HMMR: variants seen among roughly 807,000 people sequenced by gnomAD.
HMMR encodes the protein hyaluronan mediated motility receptor, also known as intracellular hyaluronic acid-binding protein.
HMMR carries 108 observed loss-of-function variants against 101.0 expected under a neutral mutation model. The ratio of observed to expected loss-of-function variants is 1.07; its 90% CI spans 0.92 to 1.25. HMMR has a LOEUF of 1.25. Among genes scored for constraint, HMMR ranks in the 50% most tolerant of loss-of-function variants. The pLI, the probability that HMMR is intolerant of heterozygous loss-of-function variation, is 0.00. For synonymous variants in HMMR, 296 were observed against 276.4 expected, an observed-to-expected ratio of 1.07 and a Z score of -0.70; for missense variants, 813 against 788.7, an observed-to-expected ratio of 1.03 and a Z score of -0.37.
At position 163,467,697 on chromosome 5, in the gene HMMR, A is replaced by C; in HGVS notation, c.226-4A>C. 1 of 1,517,254 alleles carries C rather than the reference A, an allele frequency of 6.6e-7. No homozygotes were observed. The highest frequency in any genetic ancestry group is 1.7e-4 in the Middle Eastern group (1 of 5,798). The allele number at this position is 1,517,254 out of a possible 1,614,324, so 94.0% of individuals were successfully genotyped here. A position where few individuals can be genotyped will look rare whatever the true frequency, so the allele number is the denominator to read the frequency against. On this transcript the variant is annotated splice_polypyrimidine_tract_variant and splice_region_variant and intron_variant, in intron 3 of 17. Transcript: ENST00000393915. Reference sequence around the variant, plus strand: ...GCTTATAAGTTTTTTTGGCTTTTAAACAGAAGGAATCTCAAAAGAATGATA... The same window carrying C: ...GCTTATAAGTTTTTTTGGCTTTTAACCAGAAGGAATCTCAAAAGAATGATA...
At chr5:163,485,441 T>A (rs1021500128) in intron 16 of HMMR, among the ~76,000 whole-genome samples, 2 of 152,236 alleles carry the variant, frequency 1.3e-5, no homozygotes, top group Non-Finnish European at 2.9e-5. Flanking sequence ...ATGTTGGTCA[T>A]CTTTTCATGT....
At position 163,483,294 on chromosome 5, in the gene HMMR, C is replaced by T. The variant is rs1418825213; in HGVS notation, c.1712C>T (p.Ala571Val). The T allele has an allele frequency of 1.2e-6, 2 of 1,608,772 alleles. No homozygotes were observed. ...AAAGCTGAAAAAGAAAATACAACAGCAGAATTAACTGAAGAAATTAACAAG... is the reference window on the plus strand; with the variant it reads ...AAAGCTGAAAAAGAAAATACAACAGTAGAATTAACTGAAGAAATTAACAAG... ...GRKAEKENTTAELTEEINKWR... is the reference protein window; with the variant it reads ...GRKAEKENTTVELTEEINKWR... Residue 571 changes from alanine (A) to valine (V), a missense_variant, in exon 15 of 18, where the codon GCA (alanine) becomes GTA (valine). Physicochemically the swap from Ala to Val is moderately conservative, Grantham distance 64. Coordinates refer to ENST00000393915, the MANE Select transcript of HMMR (RefSeq NM_001142556.2).
At chr5:163,490,633 G>C in intron 17 of HMMR, 81 bp downstream of exon 17, 2 of 1,090,856 alleles carry the variant, frequency 1.8e-6, no homozygotes, top group Non-Finnish European at 2.7e-6. Flanking sequence ...TCCATTTTAT[G>C]AACTGTGAAA....
chr5:163,484,067 A>C lies in HMMR; in HGVS notation c.1786-2A>C. 6.4e-7 allele frequency: 1 copy of C among 1,561,542 alleles called. No homozygotes were observed. The highest frequency in any genetic ancestry group is 1.4e-5 in the African/African-American group (1 of 72,398). On this transcript the variant is annotated splice_acceptor_variant, in intron 15 of 17. Transcript: ENST00000393915. LOFTEE classifies it high-confidence loss of function. Reference sequence around the variant, plus strand: ...TAACTTTATTTAAAAAATCTTTTTCAGCTACAACTAGATGCTTTTGAAGTA... The same window carrying C: ...TAACTTTATTTAAAAAATCTTTTTCCGCTACAACTAGATGCTTTTGAAGTA...
At chr5:163,481,886 T>C (rs1218712539) in intron 12 of HMMR, among the ~76,000 whole-genome samples, 1 of 152,212 alleles carries the variant, frequency 6.6e-6, no homozygotes, top group East Asian at 1.9e-4. Flanking sequence ...TAGAGTGAGC[T>C]ACACATTTAA....
At chr5:163,464,695 A>G in intron 2 of HMMR, 28 bp from the exon 3 acceptor site, 1 of 1,441,254 alleles carries the variant, frequency 6.9e-7, no homozygotes, top group Non-Finnish European at 9.7e-7. Flanking sequence ...GACATCAACC[A>G]TGATCTGTAC....
chr5:163,466,728 T>G (rs549111908), intron 3 of HMMR, among the ~76,000 whole-genome samples: 2 of 152,162 alleles, frequency 1.3e-5, no homozygotes, highest in Non-Finnish European at 1.5e-5. Context: ...ATCTCATTGA[T>G]AATTTTATAC....
At chr5:163,478,311 T>C (rs1759134613) in intron 11 of HMMR, among the ~76,000 whole-genome samples, 1 of 152,210 alleles carries the variant, frequency 6.6e-6, no homozygotes, top group South Asian at 2.1e-4. Context: ...GTTCATGGTA[T>C]TTCTCAAGTG....
intron 3 of HMMR, among the ~76,000 whole-genome samples, chr5:163,466,552 A>C (rs1252597590): frequency 6.6e-6 from 1 of 152,198 alleles, no homozygotes; most frequent in African/African-American, 2.4e-5. Flanking sequence ...ACGCTTTTAA[A>C]TATTTTTGGA....
chr5:163,480,230 G>A (rs1052842701), intron 12 of HMMR, among the ~76,000 whole-genome samples: 3 of 151,820 alleles, frequency 2.0e-5, no homozygotes, highest in Middle Eastern at 3.2e-3. Flanking sequence ...TTTCCCCCCT[G>A]TGTATTATAA....
rs570706622 is a variant in HMMR at position 163,460,929 on chromosome 5, C to T, written c.46+191C>T. Among the ~76,000 whole-genome samples the T allele has an allele frequency of 2.2e-4, 34 of 152,282 alleles. 1 individual carries two copies. Among genetic ancestry groups the T allele is most frequent in the African/African-American group, 7.9e-4 (33 of 41,572 alleles). ...AGCACTAATCAGGATGCTAAGGATA[C>T]CGCAGTGAAACAGTCTCCGCCCCGT... On this transcript the variant is annotated intron_variant, in intron 1 of 17. Transcript: ENST00000393915.
chr5:163,472,804 A>T (rs192394881), intron 7 of HMMR, among the ~76,000 whole-genome samples: 2 of 152,316 alleles, frequency 1.3e-5, no homozygotes, highest in Non-Finnish European at 2.9e-5. Flanking sequence ...ACAGATAAGT[A>T]ATTGAAGACC....
intron 10 of HMMR, among the ~76,000 whole-genome samples, chr5:163,474,876 A>T (rs978347135): frequency 2.6e-5 from 4 of 152,202 alleles, no homozygotes; most frequent in African/African-American, 9.6e-5. Context: ...ACCTGGAAAG[A>T]TTTCAGCAAC....
At chr5:163,469,918 A>G (rs1325838590) in intron 5 of HMMR, 89 bp downstream of exon 5, 10 of 888,710 alleles carry the variant, frequency 1.1e-5, no homozygotes, top group Non-Finnish European at 1.7e-5. Flanking sequence ...CTGTGTTCCC[A>G]GCATTTTGGG....
At position 163,473,171 on chromosome 5, in the gene HMMR, T is replaced by C. The variant is rs1461236798; in HGVS notation, c.651-8T>C. 1 of 1,389,282 alleles carries C rather than the reference T, an allele frequency of 7.2e-7. No homozygotes were observed. Among genetic ancestry groups the C allele is most frequent in the South Asian group, 1.2e-5 (1 of 84,160 alleles). 86.1% of individuals were successfully genotyped at this position (1,389,282 alleles called of 1,614,324 possible). A position where few individuals can be genotyped will look rare whatever the true frequency, so the allele number is the denominator to read the frequency against. On this transcript the variant is annotated splice_polypyrimidine_tract_variant and splice_region_variant and intron_variant, in intron 7 of 17. Coordinates refer to ENST00000393915, the MANE Select transcript of HMMR (RefSeq NM_001142556.2). ...AGAATGTATTAACATATGCAATTTT[T>C]GTTTTAGTGTTTCAATAGAGAAAGA...
chr5:163,488,213 A>G (rs754787689), intron 16 of HMMR, among the ~76,000 whole-genome samples: 1 of 151,986 alleles, frequency 6.6e-6, no homozygotes, highest in Non-Finnish European at 1.5e-5. Context: ...ACATATGCAG[A>G]TTTGTTACAT....
In HMMR at chr5:163,491,441, A is replaced by G. The variant is rs1759692522; in HGVS notation, c.*277A>G. ...TCTCATCAACTTAAAAGTCAGTATC[A>G]TATTATTATCCTCCTGTTCTGAAAC... On this transcript the variant is annotated 3_prime_UTR_variant, in exon 18 of 18. Transcript: ENST00000393915. 7.4e-6 allele frequency: 2 copies of G among 270,698 alleles called. No homozygotes were observed. The highest frequency in any genetic ancestry group is 2.2e-5 in the African/African-American group (1 of 44,960). The allele number at this position is 270,698 out of a possible 1,614,324, so 16.8% of individuals were successfully genotyped here. A position where few individuals can be genotyped will look rare whatever the true frequency, so the allele number is the denominator to read the frequency against.
chr5:163,481,361 C>T (rs922407894), intron 12 of HMMR, among the ~76,000 whole-genome samples: 2 of 151,754 alleles, frequency 1.3e-5, no homozygotes, highest in African/African-American at 2.4e-5. Context: ...TTTCCCTTCT[C>T]GTTAGTTTGA....
chr5:163,465,102 T>C (rs1372255690), intron 3 of HMMR: 13 of 272,534 alleles, frequency 4.8e-5, no homozygotes, highest in South Asian at 2.5e-4. Flanking sequence ...ATTTATTAAG[T>C]ACCACCATTT....
Sources: gnomAD v4.1 joint callset for allele counts (sites outside exome capture counted in the v4.1 genomes callset) on GRCh38, gnomAD v4.1.1 for gene constraint, MANE v1.5 for transcripts, NCBI Gene and HGNC (gene_info 2026-07-23, HGNC 2026-07-21) for gene names.